SVEP1: variants seen among roughly 807,000 people sequenced by gnomAD.
The protein encoded by SVEP1 is sushi, von Willebrand factor type A, EGF and pentraxin domain-containing protein 1.
Under a neutral mutation model 367.3 loss-of-function variants are expected in SVEP1, and 164 were observed. That is an observed-to-expected ratio of 0.45 (90% CI 0.39 to 0.51). The LOEUF is 0.51. Among genes scored for constraint, SVEP1 ranks in the 20% least tolerant of loss-of-function variants. The pLI is 0.00. For synonymous variants in SVEP1, 1,666 were observed against 1,611.6 expected (o/e 1.03, Z -0.81); for missense variants, 4,117 against 4,425.3 (o/e 0.93, Z 1.98).
At chr9:110,414,512 C>T (rs2781266) in intron 36 of SVEP1, among the ~76,000 whole-genome samples, 58,694 of 151,754 alleles carry the variant, frequency 0.39, 12,032 homozygotes, top group African/African-American at 0.51. Context: ...CTGAACTTAG[C>T]TTGGAATAAT....
intron 1 of SVEP1, among the ~76,000 whole-genome samples, chr9:110,568,995 A>G (rs1326020276): frequency 6.6e-6 from 1 of 150,872 alleles, no homozygotes; most frequent in African/African-American, 2.4e-5. Flanking sequence ...GCTACTTAGG[A>G]GGCTGAGGTA....
chr9:110,427,322 A>AG (rs1554714126), intron 36 of SVEP1, among the ~76,000 whole-genome samples: 1 of 150,668 alleles, frequency 6.6e-6, no homozygotes, highest in Non-Finnish European at 1.5e-5. Context: ...AAAAAAAAAA[A>AG]AAAGTATAAT....
intron 36 of SVEP1, among the ~76,000 whole-genome samples, chr9:110,423,138 A>T (rs1454904439): frequency 2.3e-5 from 2 of 85,428 alleles, no homozygotes; most frequent in African/African-American, 1.0e-4. Flanking sequence ...AATAATAATA[A>T]AAAAAAAATA....
At chr9:110,499,013 T>A (rs937682921) in intron 7 of SVEP1, 28 bp downstream of exon 7, 9 of 1,590,166 alleles carry the variant, frequency 5.7e-6, no homozygotes, top group Non-Finnish European at 6.9e-6. Flanking sequence ...AAAATTTGAT[T>A]TTTAGCCTGA....
At chr9:110,465,183 GA>G (rs1828915494) in intron 18 of SVEP1, among the ~76,000 whole-genome samples, 4 of 151,952 alleles carry the variant, frequency 2.6e-5, no homozygotes, top group African/African-American at 9.7e-5. Flanking sequence ...AAAGACCCTG[GA>G]GGTAAGGCCT....
intron 1 of SVEP1, among the ~76,000 whole-genome samples, chr9:110,558,635 G>A (rs987269490): frequency 4.6e-5 from 7 of 151,660 alleles, no homozygotes; most frequent in African/African-American, 1.5e-4. Context: ...AAAATGAAAA[G>A]AGAGATGTGT....
chr9:110,442,119 T>C (rs966759801), intron 27 of SVEP1, among the ~76,000 whole-genome samples: 3 of 152,354 alleles, frequency 2.0e-5, no homozygotes, highest in Non-Finnish European at 4.4e-5. Flanking sequence ...CAAGCCTCGA[T>C]GGACTCCCCA....
intron 47 of SVEP1, among the ~76,000 whole-genome samples, 164 bp from the exon 48 acceptor site, chr9:110,366,724 G>A (rs371373431): frequency 1.1e-3 from 165 of 152,300 alleles, no homozygotes; most frequent in African/African-American, 3.6e-3. Flanking sequence ...AGATAACTAA[G>A]AGGCATGGGA....
intron 1 of SVEP1, among the ~76,000 whole-genome samples, chr9:110,570,970 C>CTTTTTTTTT (rs374900472): frequency 2.6e-5 from 3 of 114,928 alleles, no homozygotes; most frequent in Non-Finnish European, 3.6e-5. Context: ...CAGATGGCTC[C>CTTTTTTTTT]TTTTTTTTTT....
chr9:110,435,962 TGAC>T, intron 28 of SVEP1, among the ~76,000 whole-genome samples: 2 of 152,108 alleles, frequency 1.3e-5, no homozygotes, highest in African/African-American at 4.8e-5. Context: ...CCCAGCTGTT[TGAC>T]TCTAGGCTGG....
At chr9:110,499,315 A>C in intron 6 of SVEP1, 77 bp from the exon 7 acceptor site, 1 of 1,340,496 alleles carries the variant, frequency 7.5e-7, no homozygotes, top group Non-Finnish European at 1.0e-6. Flanking sequence ...TTACTCAAGA[A>C]AAATACAATT....
intron 23 of SVEP1, among the ~76,000 whole-genome samples, chr9:110,450,794 T>C (rs1326818412): frequency 6.6e-6 from 1 of 152,110 alleles, no homozygotes. Flanking sequence ...CTTTTTTAAA[T>C]CTTACTTTTT....
In SVEP1 at chr9:110,481,339, G is replaced by A. The variant is rs1375879096; in HGVS notation, c.2268C>T (p.Gly756=). 14 of 1,611,116 alleles carry A rather than the reference G, an allele frequency of 8.7e-6. No homozygotes were observed. Among genetic ancestry groups the A allele is most frequent in the Non-Finnish European group, 1.2e-5 (14 of 1,178,732 alleles). Residue 756 remains glycine (G), a synonymous_variant, in exon 12 of 48, where the codon GGC becomes GGT. Transcript: ENST00000374469. ...CAGTAGACCCTTCTGTGAAATCATA[G>A]CCCTCCAAGCAAGTTAATGTACAGT... ...GVNCTLTCLE[G]YDFTEGSTDK...
chr9:110,445,208 A>G (rs982445545), intron 26 of SVEP1, among the ~76,000 whole-genome samples: 2 of 152,222 alleles, frequency 1.3e-5, no homozygotes, highest in African/African-American at 4.8e-5. Flanking sequence ...AATAATGTGG[A>G]CAGTTGGCCA....
intron 27 of SVEP1, among the ~76,000 whole-genome samples, chr9:110,440,281 A>G (rs951984949): frequency 9.2e-5 from 14 of 152,084 alleles, no homozygotes; most frequent in African/African-American, 3.4e-4. Context: ...CTATGCTACT[A>G]CTTTGGGGAT....
At chr9:110,488,879 GA>G (rs1829325885) in intron 9 of SVEP1, among the ~76,000 whole-genome samples, 1 of 151,900 alleles carries the variant, frequency 6.6e-6, no homozygotes, top group Non-Finnish European at 1.5e-5. Context: ...CCCTGTCTCT[GA>G]AAAAAATTAA....
intron 40 of SVEP1, among the ~76,000 whole-genome samples, chr9:110,390,040 AGTATATATACAC>A (rs1827607689): frequency 1.5e-5 from 1 of 65,924 alleles, no homozygotes; most frequent in Admixed American, 2.0e-4. Flanking sequence ...TATATATATA[AGTATATATACAC>A]GTATATATAT....
intron 9 of SVEP1, among the ~76,000 whole-genome samples, chr9:110,486,783 T>C (rs2118718117): frequency 6.6e-6 from 1 of 152,118 alleles, no homozygotes; most frequent in South Asian, 2.1e-4. Context: ...TAGCTGAGAA[T>C]ACAGGTGTGC....
intron 6 of SVEP1, among the ~76,000 whole-genome samples, chr9:110,501,359 A>C (rs548678019): frequency 6.6e-6 from 1 of 151,528 alleles, no homozygotes; most frequent in African/African-American, 2.4e-5. Flanking sequence ...TTTGAATGTC[A>C]TATTTTACCA....
Sources: allele counts gnomAD v4.1 joint callset (sites outside exome capture counted in the v4.1 genomes callset), GRCh38; gene constraint gnomAD v4.1.1; transcripts MANE v1.5; gene names NCBI Gene and HGNC (gene_info 2026-07-23, HGNC 2026-07-21).